The following WWOX variants were observed in gnomAD, a reference collection of about 807,000 sequenced individuals.
WWOX encodes WW domain-containing oxidoreductase.
In WWOX, 69 loss-of-function variants were observed where a neutral mutation model predicts 46.2. The observed-to-expected ratio is 1.49, with a 90% CI of 1.23 to 1.82. WWOX has a LOEUF of 1.82. WWOX is among the 40% of genes most tolerant of loss of function. The pLI, the probability that WWOX is intolerant of heterozygous loss-of-function variation, is 0.00. For synonymous variants in WWOX, 359 were observed against 202.6 expected, an observed-to-expected ratio of 1.77 and a Z score of -6.56; for missense variants, 919 against 542.6, an observed-to-expected ratio of 1.69 and a Z score of -6.89.
chr16:78,643,756 G>A (rs1453973800), intron 8 of WWOX, among the ~76,000 whole-genome samples: 1 of 151,320 alleles, frequency 6.6e-6, no homozygotes, highest in Non-Finnish European at 1.5e-5. Context: ...TCTTGTGCCT[G>A]TAGAGTTTAT....
chr16:78,104,244 A>ACACG (rs2031991872), intron 1 of WWOX, among the ~76,000 whole-genome samples: 1 of 150,292 alleles, frequency 6.7e-6, no homozygotes, highest in Non-Finnish European at 1.5e-5. Context: ...ACACACACAC[A>ACACG]CACACACACA....
chr16:78,722,011 T>C (rs2048704050), intron 8 of WWOX, among the ~76,000 whole-genome samples: 1 of 152,254 alleles, frequency 6.6e-6, no homozygotes, highest in Non-Finnish European at 1.5e-5. Context: ...CACTTTCTTT[T>C]TTTCTAGAAG....
chr16:78,615,444 T>C (rs1352386604), intron 8 of WWOX, among the ~76,000 whole-genome samples: 1 of 152,036 alleles, frequency 6.6e-6, no homozygotes, highest in Non-Finnish European at 1.5e-5. Context: ...AAGCCCAGAA[T>C]TCAAGACCAG....
chr16:78,646,978 G>A (rs1286746031), intron 8 of WWOX, among the ~76,000 whole-genome samples: 3 of 152,144 alleles, frequency 2.0e-5, no homozygotes, highest in African/African-American at 7.2e-5. Flanking sequence ...CACGTAACTG[G>A]CTCAGACTCT....
rs760578645 is a variant in WWOX, at chr16:78,742,661, G to A, written c.1056+309909G>A. On this transcript the variant is annotated intron_variant, in intron 8 of 8. Transcript: ENST00000566780. ...TGGTGACTCACTCGGGGCTAAAACTGTTTATGTCTGCGGAGTCAGAGCGTT... is the reference window on the plus strand; with the variant it reads ...TGGTGACTCACTCGGGGCTAAAACTATTTATGTCTGCGGAGTCAGAGCGTT... Among the ~76,000 whole-genome samples the A allele has an allele frequency of 7.9e-5, 12 of 152,180 alleles. No individual in the cohort carries two copies. The South Asian group carries it at 1.0e-3, about 13-fold the overall frequency.
chr16:78,388,453 C>G lies in WWOX; in HGVS notation c.605+1505C>G, dbSNP rs144885767. The stretch of plus-strand genomic sequence containing the variant: ...ATGAGGTCAAGAGATCAAGACCATC[C>G]TGGCCAACATTGTGAAACCCCATCT... On this transcript the variant is annotated intron_variant, in intron 6 of 8. Coordinates refer to ENST00000566780, the MANE Select transcript of WWOX (RefSeq NM_016373.4). 5.2e-3 allele frequency among the ~76,000 whole-genome samples: 790 copies of G among 151,944 alleles called. 8 individuals carry two copies. Among genetic ancestry groups the G allele is most frequent in the African/African-American group, 0.016 (679 of 41,478 alleles).
At chr16:78,269,560 C>A (rs1306260554) in intron 5 of WWOX, among the ~76,000 whole-genome samples, 1 of 152,168 alleles carries the variant, frequency 6.6e-6, no homozygotes, top group Non-Finnish European at 1.5e-5. Flanking sequence ...ACTCGGAGAT[C>A]AGCAGTCCGG....
At chr16:78,218,006 C>G (rs1180956310) in intron 5 of WWOX, among the ~76,000 whole-genome samples, 8 of 152,102 alleles carry the variant, frequency 5.3e-5, no homozygotes, top group African/African-American at 1.9e-4. Context: ...ATCTCACCCC[C>G]TCAATTTTTT....
Position 78,818,999 on chromosome 16 carries a change from A to T in WWOX, c.1056+386247A>T, listed in dbSNP as rs142319174. ...AATCTCTCTAATCCTCATTGTGCTT[A>T]GCTCTAGAATGGAGGCTTGTTGAGA... On this transcript the variant is annotated intron_variant, in intron 8 of 8. Transcript: ENST00000566780. Among the ~76,000 whole-genome samples, 105 of 152,358 alleles carry T rather than the reference A, an allele frequency of 6.9e-4. 2 individuals carry two copies. Among genetic ancestry groups the T allele is most frequent in the African/African-American group, 2.4e-3 (101 of 41,588 alleles).
intron 8 of WWOX, among the ~76,000 whole-genome samples, chr16:78,609,999 G>C (rs922234896): frequency 8.6e-6 from 1 of 116,874 alleles, no homozygotes; most frequent in African/African-American, 3.3e-5. Flanking sequence ...TGACGCAAAC[G>C]ACCTTTATTT....
At chr16:78,222,791 T>C (rs759168807) in intron 5 of WWOX, among the ~76,000 whole-genome samples, 4 of 152,232 alleles carry the variant, frequency 2.6e-5, no homozygotes, top group Non-Finnish European at 5.9e-5. Flanking sequence ...GTGACATCTA[T>C]TTCAAGTATT....
chr16:78,655,839 G>A (rs2047068021), intron 8 of WWOX, among the ~76,000 whole-genome samples: 1 of 152,172 alleles, frequency 6.6e-6, no homozygotes, highest in East Asian at 1.9e-4. Context: ...TAGGTGATGT[G>A]GGCTTGATTT....
intron 8 of WWOX, among the ~76,000 whole-genome samples, chr16:78,775,811 TC>T (rs1170734895): frequency 6.6e-6 from 1 of 152,236 alleles, no homozygotes; most frequent in Non-Finnish European, 1.5e-5. Flanking sequence ...CCCACTACTT[TC>T]GACTGAATCT....
chr16:78,899,852 A>C (rs1009419977), intron 8 of WWOX, among the ~76,000 whole-genome samples: 1 of 152,170 alleles, frequency 6.6e-6, no homozygotes, highest in Non-Finnish European at 1.5e-5. Flanking sequence ...CTGGCTCCTA[A>C]GGTTCAGGTA....
chr16:79,209,715 A>G (rs2051650901), intron 8 of WWOX, among the ~76,000 whole-genome samples: 1 of 152,246 alleles, frequency 6.6e-6, no homozygotes, highest in Non-Finnish European at 1.5e-5. Flanking sequence ...GGCTTGAGTT[A>G]GCTGGATGAG....
intron 8 of WWOX, among the ~76,000 whole-genome samples, chr16:78,781,224 G>A (rs974556937): frequency 1.3e-5 from 2 of 152,130 alleles, no homozygotes; most frequent in African/African-American, 4.8e-5. Context: ...TATGTGGGTG[G>A]GAATTCTTTA....
At chr16:78,702,604 G>C (rs185618423) in intron 8 of WWOX, among the ~76,000 whole-genome samples, 8 of 150,934 alleles carry the variant, frequency 5.3e-5, no homozygotes, top group Non-Finnish European at 1.2e-4. Flanking sequence ...GTAGTGAGCT[G>C]AGATTGCACC....
intron 8 of WWOX, among the ~76,000 whole-genome samples, chr16:78,585,231 G>T (rs557139188): frequency 4.7e-4 from 71 of 152,276 alleles, no homozygotes; most frequent in African/African-American, 1.7e-3. Context: ...AATGTAATCT[G>T]CAAACTCAGG....
chr16:79,156,109 C>T (rs2050376556), intron 8 of WWOX, among the ~76,000 whole-genome samples: 1 of 152,068 alleles, frequency 6.6e-6, no homozygotes, highest in South Asian at 2.1e-4. Flanking sequence ...ACTCATAGGC[C>T]CATCTGTTAC....
Sources: gnomAD v4.1 joint callset for allele counts (sites outside exome capture counted in the v4.1 genomes callset) on GRCh38, gnomAD v4.1.1 for gene constraint, MANE v1.5 for transcripts, NCBI Gene and HGNC (gene_info 2026-07-23, HGNC 2026-07-21) for gene names.